Variants in RYR3 observed in about 807,000 individuals in gnomAD.
RYR3 encodes the protein ryanodine receptor 3.
A neutral mutation model predicts 584.3 loss-of-function variants in RYR3; 207 were observed. That is an observed-to-expected ratio of 0.35 (90% CI 0.32 to 0.40). The LOEUF (loss-of-function observed/expected upper bound fraction) is 0.40. Among genes scored for constraint, RYR3 ranks in the 10% least tolerant of loss-of-function variants. The probability of loss-of-function intolerance (pLI) is 1.00; values close to 1 mark genes in which losing one functional copy is unlikely to be tolerated. For missense variants in RYR3, 5,616 were observed against 6,089.2 expected (o/e 0.92, Z 2.59); for synonymous variants, 2,416 against 2,248.5 (o/e 1.07, Z -2.11).
At chr15:33,663,397 G>A in intron 35 of RYR3, 140 bp from the exon 36 acceptor site, 2 of 695,062 alleles carry the variant, frequency 2.9e-6, no homozygotes, top group Admixed American at 2.5e-5. Context: ...ACTTAATGGT[G>A]AAGATTTGAG....
At chr15:33,811,183 C>T in intron 72 of RYR3, 146 bp downstream of exon 72, 1 of 707,736 alleles carries the variant, frequency 1.4e-6, no homozygotes, top group Non-Finnish European at 2.4e-6. Flanking sequence ...AGGACTAGCT[C>T]TCTCTTTTTT....
intron 16 of RYR3, among the ~76,000 whole-genome samples, chr15:33,589,067 T>G (rs886132571): frequency 2.0e-5 from 3 of 152,198 alleles, no homozygotes; most frequent in Non-Finnish European, 4.4e-5. Context: ...CTAATTTACA[T>G]TCCTACCAAC....
At chr15:33,832,350 G>A (rs768496568) in intron 86 of RYR3, among the ~76,000 whole-genome samples, 6 of 151,678 alleles carry the variant, frequency 4.0e-5, no homozygotes, top group Non-Finnish European at 7.4e-5. Context: ...TATATACTGT[G>A]CTTAATTAAG....
intron 12 of RYR3, among the ~76,000 whole-genome samples, chr15:33,578,982 TTCTC>T (rs778930640): frequency 7.2e-5 from 11 of 152,168 alleles, no homozygotes; most frequent in Non-Finnish European, 1.0e-4. Flanking sequence ...GTGCTTTGTA[TTCTC>T]TCTGTGTTGA....
At chr15:33,432,342 A>G (rs1276608608) in intron 1 of RYR3, among the ~76,000 whole-genome samples, 1 of 152,042 alleles carries the variant, frequency 6.6e-6, no homozygotes, top group Non-Finnish European at 1.5e-5. Flanking sequence ...AACTACATAA[A>G]TGTAGTTTTC....
chr15:33,756,384 C>G lies in RYR3; in HGVS notation c.8583+11C>G. The G allele has an allele frequency of 6.4e-7, 1 of 1,553,602 alleles. No homozygotes were observed. Among genetic ancestry groups the G allele is most frequent in the Non-Finnish European group, 8.7e-7 (1 of 1,143,368 alleles). The stretch of plus-strand genomic sequence containing the variant: ...AAATTCTTTGCCAAAGTAAGTGGCC[C>G]TGCACTTAATCAAATTACTTTCTTC... On this transcript the variant is annotated intron_variant, in intron 59 of 103. Coordinates refer to ENST00000634891, the MANE Select transcript of RYR3 (RefSeq NM_001036.6).
chr15:33,766,294 AAAAAAAAG>A (rs1012553716), intron 60 of RYR3, among the ~76,000 whole-genome samples: 3 of 150,310 alleles, frequency 2.0e-5, no homozygotes, highest in African/African-American at 7.4e-5. Flanking sequence ...AAAAGAAAAA[AAAAAAAAG>A]AAAAAAAGAA....
rs146711366 is a variant in RYR3 at position 33,595,294 on chromosome 15, C to T, written c.1789-6125C>T. Among the ~76,000 whole-genome samples, 4 of 152,250 alleles carry T rather than the reference C, an allele frequency of 2.6e-5. No individual in the cohort carries two copies. In the East Asian group the frequency reaches 5.8e-4, roughly 22 times the overall value. On this transcript the variant is annotated intron_variant, in intron 16 of 103. Coordinates refer to ENST00000634891, the MANE Select transcript of RYR3 (RefSeq NM_001036.6). ...AATAGAAACAGCATGAAGTCAATTA[C>T]GTTTGCTTTCAAACTTTTATAAACA...
intron 101 of RYR3, 124 bp downstream of exon 101, chr15:33,860,783 C>A: frequency 1.3e-6 from 1 of 791,140 alleles, no homozygotes; most frequent in African/African-American, 1.8e-5. Context: ...AGTTTGTTTT[C>A]CATGCCCTGT....
chr15:33,454,059 G>A (rs193284825), intron 1 of RYR3, among the ~76,000 whole-genome samples: 265 of 152,316 alleles, frequency 1.7e-3, no homozygotes, highest in African/African-American at 6.1e-3. Context: ...AGAATTCTGC[G>A]TGAGGCTGGA....
At chr15:33,848,613 G>C (rs977230017) in intron 94 of RYR3, among the ~76,000 whole-genome samples, 192 bp downstream of exon 94, 2 of 152,192 alleles carry the variant, frequency 1.3e-5, no homozygotes, top group Non-Finnish European at 2.9e-5. Flanking sequence ...TAGTTTAATG[G>C]GGACAGAAGA....
chr15:33,353,865 A>G (rs1450331208), intron 1 of RYR3, among the ~76,000 whole-genome samples: 1 of 152,198 alleles, frequency 6.6e-6, no homozygotes. Flanking sequence ...ACCTATGTGA[A>G]AGAAAATTCT....
intron 77 of RYR3, 75 bp downstream of exon 77, chr15:33,819,882 T>G: frequency 1.8e-6 from 2 of 1,135,862 alleles, no homozygotes; most frequent in South Asian, 3.0e-5. Flanking sequence ...ATGAAAATTG[T>G]CATGTTGAAT....
At chr15:33,321,087 G>A (rs1241939247) in intron 1 of RYR3, among the ~76,000 whole-genome samples, 4 of 152,130 alleles carry the variant, frequency 2.6e-5, no homozygotes, top group African/African-American at 9.7e-5. Flanking sequence ...ACTTCTCCCT[G>A]GGCAATTTTA....
At chr15:33,407,989 A>G (rs1010589832) in intron 1 of RYR3, among the ~76,000 whole-genome samples, 2 of 148,576 alleles carry the variant, frequency 1.3e-5, no homozygotes, top group African/African-American at 5.0e-5. Flanking sequence ...GGAAAAAAAA[A>G]TGATATCCCA....
At chr15:33,856,198 C>G (rs576620100) in intron 98 of RYR3, 1 of 152,194 alleles carries the variant, frequency 6.6e-6, no homozygotes, top group Non-Finnish European at 1.5e-5. Flanking sequence ...AGTTCTTTCT[C>G]TTTTTTTTCC....
At chr15:33,425,546 C>G (rs929757847) in intron 1 of RYR3, among the ~76,000 whole-genome samples, 1 of 152,038 alleles carries the variant, frequency 6.6e-6, no homozygotes, top group Non-Finnish European at 1.5e-5. Context: ...GAAGTAAACA[C>G]CAACAAAATA....
intron 1 of RYR3, among the ~76,000 whole-genome samples, chr15:33,372,593 C>G (rs1293616441): frequency 6.6e-6 from 1 of 152,000 alleles, no homozygotes; most frequent in African/African-American, 2.4e-5. Context: ...TCTCAGTCTC[C>G]TGACCTTGTG....
chr15:33,463,975 G>A (rs183153396), intron 1 of RYR3, among the ~76,000 whole-genome samples: 1 of 152,216 alleles, frequency 6.6e-6, no homozygotes, highest in Admixed American at 6.5e-5. Flanking sequence ...CAGGTTTTTT[G>A]GGGGTTTACT....
Sources: allele counts gnomAD v4.1 joint callset (sites outside exome capture counted in the v4.1 genomes callset), GRCh38; gene constraint gnomAD v4.1.1; transcripts MANE v1.5; gene names NCBI Gene and HGNC (gene_info 2026-07-23, HGNC 2026-07-21).